DGKB: variants seen among roughly 807,000 people sequenced by gnomAD.
DGKB encodes the protein diacylglycerol kinase beta.
A neutral mutation model predicts 114.3 loss-of-function variants in DGKB; 67 were observed. That is an observed-to-expected ratio of 0.59 (90% confidence interval 0.48 to 0.72). The LOEUF is 0.72. DGKB is among the 30% of genes least tolerant of loss of function. DGKB has a pLI of 0.00. For synonymous variants in DGKB, 398 were observed against 323.1 expected (o/e 1.23, Z -2.49); for missense variants, 907 against 975.2 (o/e 0.93, Z 0.93).
chr7:14,391,476 A>G (rs2060161), intron 21 of DGKB, among the ~76,000 whole-genome samples: 147,159 of 151,108 alleles, frequency 0.97, 71,762 homozygotes, highest in Non-Finnish European at 1. Context: ...GAGCCCAGGC[A>G]AGACCAGCCT....
intron 1 of DGKB, among the ~76,000 whole-genome samples, chr7:14,911,511 C>T (rs116603606): frequency 0.015 from 2,282 of 152,246 alleles, 56 homozygotes; most frequent in African/African-American, 0.046. Flanking sequence ...CTCCAACACT[C>T]AGCTCAATGT....
chr7:14,261,168 C>CT (rs1405877297), intron 23 of DGKB, among the ~76,000 whole-genome samples: 4 of 151,406 alleles, frequency 2.6e-5, no homozygotes, highest in African/African-American at 9.7e-5. Flanking sequence ...TTTTCAGTCT[C>CT]TTTTTCAACA....
intron 23 of DGKB, chr7:14,209,528 T>C: frequency 2.0e-6 from 1 of 503,786 alleles, no homozygotes; most frequent in Non-Finnish European, 4.1e-6. Context: ...TATGCAGTCT[T>C]CAGCTGCACA....
intron 23 of DGKB, among the ~76,000 whole-genome samples, chr7:14,205,612 C>G (rs556596508): frequency 1.3e-5 from 2 of 151,932 alleles, no homozygotes; most frequent in African/African-American, 4.8e-5. Flanking sequence ...ATTGGAGGAT[C>G]AGACAACATT....
Position 14,574,389 on chromosome 7 carries a change from A to C in DGKB, c.1610-17T>G. 4 of 1,596,914 alleles carry C rather than the reference A, an allele frequency of 2.5e-6. No individual in the cohort carries two copies. Among genetic ancestry groups the C allele is most frequent in the Non-Finnish European group, 2.6e-6 (3 of 1,173,614 alleles). On this transcript the variant is annotated splice_polypyrimidine_tract_variant and intron_variant, in intron 19 of 25. Transcript: ENST00000402815. Reference sequence around the variant, plus strand: ...CTTCGTAACCTAGTGGGAAAAAAAAATACCTTGAGAAAAGAACTCTAACCA... The same window carrying C: ...CTTCGTAACCTAGTGGGAAAAAAAACTACCTTGAGAAAAGAACTCTAACCA...
chr7:14,613,266 A>C, intron 16 of DGKB, 74 bp downstream of exon 16: 1 of 859,170 alleles, frequency 1.2e-6, no homozygotes, highest in Non-Finnish European at 1.8e-6. Flanking sequence ...GTTTTTAAGC[A>C]TTTTTACATC....
chr7:14,507,539 T>G (rs1787279640), intron 20 of DGKB, among the ~76,000 whole-genome samples: 1 of 152,322 alleles, frequency 6.6e-6, no homozygotes, highest in Middle Eastern at 3.4e-3. Flanking sequence ...GTATTACACT[T>G]TGCACAGAAA....
intron 21 of DGKB, among the ~76,000 whole-genome samples, chr7:14,398,968 G>T (rs902812036): frequency 1.3e-5 from 2 of 151,916 alleles, no homozygotes; most frequent in African/African-American, 4.8e-5. Flanking sequence ...AAAATTTGCA[G>T]ATCTGAATAT....
At chr7:14,220,098 TC>T (rs1789679772) in intron 23 of DGKB, among the ~76,000 whole-genome samples, 1 of 151,536 alleles carries the variant, frequency 6.6e-6, no homozygotes, top group South Asian at 2.1e-4. Context: ...AGTCTATTGC[TC>T]CCCGGCTACA....
At chr7:14,570,503 T>G (rs1798226657) in intron 20 of DGKB, among the ~76,000 whole-genome samples, 1 of 152,162 alleles carries the variant, frequency 6.6e-6, no homozygotes, top group Non-Finnish European at 1.5e-5. Flanking sequence ...AATACTCTAC[T>G]GTTGACTGGA....
chr7:14,231,086 T>C (rs923127701), intron 23 of DGKB, among the ~76,000 whole-genome samples: 3 of 32,072 alleles, frequency 9.4e-5, no homozygotes, highest in African/African-American at 1.4e-4. Context: ...TCTTTCCCTT[T>C]CTTTCTTTCT....
intron 5 of DGKB, among the ~76,000 whole-genome samples, chr7:14,727,272 G>T (rs1177568623): frequency 6.6e-6 from 1 of 152,028 alleles, no homozygotes; most frequent in East Asian, 1.9e-4. Context: ...AAAGAAACCT[G>T]ATTATTCAAG....
At chr7:14,452,104 A>T (rs1831609112) in intron 21 of DGKB, among the ~76,000 whole-genome samples, 1 of 152,140 alleles carries the variant, frequency 6.6e-6, no homozygotes, top group Non-Finnish European at 1.5e-5. Flanking sequence ...AATATTAATT[A>T]TCACCATCGA....
chr7:14,432,125 T>A (rs2163509), intron 21 of DGKB, among the ~76,000 whole-genome samples: 17,252 of 152,186 alleles, frequency 0.11, 1,169 homozygotes, highest in East Asian at 0.28. Context: ...CTATACAGAA[T>A]AAATTCCTGA....
chr7:14,293,967 T>A (rs1268979779), intron 23 of DGKB, among the ~76,000 whole-genome samples: 1 of 152,202 alleles, frequency 6.6e-6, no homozygotes, highest in Non-Finnish European at 1.5e-5. Flanking sequence ...AGATTTCTTA[T>A]CTTTTTGTTC....
chr7:14,785,637 A>G (rs1839780802), intron 2 of DGKB, among the ~76,000 whole-genome samples: 1 of 152,188 alleles, frequency 6.6e-6, no homozygotes, highest in Non-Finnish European at 1.5e-5. Flanking sequence ...GGGAGAAAGC[A>G]CATAACTGGA....
chr7:14,324,902 A>G (rs1456523008), intron 23 of DGKB, among the ~76,000 whole-genome samples: 1 of 152,158 alleles, frequency 6.6e-6, no homozygotes, highest in Non-Finnish European at 1.5e-5. Context: ...AAACAAAATC[A>G]TAGAACTCTT....
chr7:14,442,827 T>C (rs1830249203), intron 21 of DGKB, among the ~76,000 whole-genome samples: 1 of 152,112 alleles, frequency 6.6e-6, no homozygotes, highest in Non-Finnish European at 1.5e-5. Context: ...ATTTCAGGTA[T>C]GTGCCACTGT....
chr7:14,174,766 C>G (rs559047157), intron 25 of DGKB, among the ~76,000 whole-genome samples: 4 of 152,236 alleles, frequency 2.6e-5, no homozygotes, highest in African/African-American at 9.6e-5. Context: ...AGCATCACCA[C>G]CATCACTATC....
Sources: allele counts gnomAD v4.1 joint callset (sites outside exome capture counted in the v4.1 genomes callset), GRCh38; gene constraint gnomAD v4.1.1; transcripts MANE v1.5; gene names NCBI Gene and HGNC (gene_info 2026-07-23, HGNC 2026-07-21).